Variants in GRM3 observed in about 807,000 individuals in gnomAD.
GRM3 encodes metabotropic glutamate receptor 3.
GRM3 carries 26 observed loss-of-function variants against 70.5 expected under a neutral mutation model. The observed-to-expected ratio is 0.37, with a 90% confidence interval of 0.27 to 0.51. The LOEUF is 0.51. Among genes scored for constraint, GRM3 ranks in the 20% least tolerant of loss-of-function variants. The pLI is 0.93. For synonymous variants in GRM3, 443 were observed against 434.9 expected (o/e 1.02, Z -0.23); for missense variants, 859 against 1,123.8 (o/e 0.76, Z 3.37).
At chr7:86,827,752 G>T (rs891770059) in intron 3 of GRM3, among the ~76,000 whole-genome samples, 1 of 152,060 alleles carries the variant, frequency 6.6e-6, no homozygotes, top group Non-Finnish European at 1.5e-5. Flanking sequence ...GACCTCAGGC[G>T]ATCCACCTCC....
chr7:86,772,849 A>G (rs914238367), intron 2 of GRM3, among the ~76,000 whole-genome samples: 3 of 152,116 alleles, frequency 2.0e-5, no homozygotes, highest in South Asian at 4.1e-4. Flanking sequence ...CAATGATTAT[A>G]GCATGGATAT....
chr7:86,740,609 A>T (rs978426263), intron 1 of GRM3, among the ~76,000 whole-genome samples: 3 of 152,224 alleles, frequency 2.0e-5, no homozygotes, highest in African/African-American at 7.2e-5. Flanking sequence ...TTAAAAATCC[A>T]TAAGAAATTC....
At chr7:86,726,780 A>C (rs1029523815) in intron 1 of GRM3, among the ~76,000 whole-genome samples, 1 of 152,232 alleles carries the variant, frequency 6.6e-6, no homozygotes, top group African/African-American at 2.4e-5. Context: ...TAATCTGAGA[A>C]TCTATTGCCA....
At chr7:86,791,160 T>G (rs937933130) in intron 3 of GRM3, among the ~76,000 whole-genome samples, 4 of 152,212 alleles carry the variant, frequency 2.6e-5, no homozygotes, top group Non-Finnish European at 5.9e-5. Context: ...TGTGGGCTCT[T>G]TCAAGGCATG....
At chr7:86,792,443 T>C (rs938998758) in intron 3 of GRM3, among the ~76,000 whole-genome samples, 1 of 152,192 alleles carries the variant, frequency 6.6e-6, no homozygotes, top group East Asian at 1.9e-4. Context: ...CAATGTCACG[T>C]AGGCATTATC....
intron 2 of GRM3, among the ~76,000 whole-genome samples, chr7:86,777,848 A>T (rs1442407529): frequency 6.6e-6 from 1 of 152,160 alleles, no homozygotes; most frequent in Non-Finnish European, 1.5e-5. Flanking sequence ...GGGATTTTGT[A>T]CAGCTAATAA....
chr7:86,864,390 C>G lies in GRM3; in HGVS notation c.*35C>G, dbSNP rs1562886017. 1 of 1,542,698 alleles carries G rather than the reference C, an allele frequency of 6.5e-7. No individual in the cohort carries two copies. Among genetic ancestry groups the G allele is most frequent in the Non-Finnish European group, 9.0e-7 (1 of 1,115,022 alleles). On this transcript the variant is annotated 3_prime_UTR_variant, in exon 6 of 6. Coordinates refer to ENST00000361669, the MANE Select transcript of GRM3 (RefSeq NM_000840.3). ...GCAGTTCAGTTCTTGTGTTTTTAGA[C>G]TGTTAGACAAAAGTGCTCACGTGCA...
At chr7:86,686,245 G>A (rs1221934440) in intron 1 of GRM3, among the ~76,000 whole-genome samples, 1 of 152,116 alleles carries the variant, frequency 6.6e-6, no homozygotes, top group Non-Finnish European at 1.5e-5. Context: ...CTCCAGTTTG[G>A]CATGGGAGAA....
intron 1 of GRM3, among the ~76,000 whole-genome samples, chr7:86,694,454 G>C (rs1349936994): frequency 7.3e-6 from 1 of 136,936 alleles, no homozygotes; most frequent in Non-Finnish European, 1.5e-5. Context: ...GGGGCTTGCA[G>C]TTAGCCGAGA....
At chr7:86,821,554 A>T (rs996817692) in intron 3 of GRM3, among the ~76,000 whole-genome samples, 4 of 152,138 alleles carry the variant, frequency 2.6e-5, no homozygotes, top group African/African-American at 9.7e-5. Flanking sequence ...AGACGCGAAA[A>T]ATGAAGTGGA....
intron 1 of GRM3, among the ~76,000 whole-genome samples, chr7:86,759,112 A>C (rs1796418525): frequency 6.6e-6 from 1 of 152,138 alleles, no homozygotes; most frequent in Non-Finnish European, 1.5e-5. Context: ...TTAGTGCATA[A>C]GCCTGGCCTC....
At chr7:86,740,058 A>G (rs111525946) in intron 1 of GRM3, among the ~76,000 whole-genome samples, 1,824 of 152,310 alleles carry the variant, frequency 0.012, 33 homozygotes, top group African/African-American at 0.042. Context: ...CCAAAGGCAA[A>G]GCTCAACAAA....
chr7:86,686,536 G>GT (rs1160325303), intron 1 of GRM3, among the ~76,000 whole-genome samples: 1 of 152,194 alleles, frequency 6.6e-6, no homozygotes, highest in Non-Finnish European at 1.5e-5. Flanking sequence ...CAAAGGTTTG[G>GT]TAAAAACTTC....
chr7:86,815,146 G>A (rs1584261020), intron 3 of GRM3, among the ~76,000 whole-genome samples: 2 of 151,504 alleles, frequency 1.3e-5, no homozygotes, highest in East Asian at 3.9e-4. Flanking sequence ...TAATTTCTTA[G>A]GGGGAAAAGG....
chr7:86,863,066 G>A (rs1798990118), intron 5 of GRM3, among the ~76,000 whole-genome samples: 1 of 152,074 alleles, frequency 6.6e-6, no homozygotes, highest in African/African-American at 2.4e-5. Flanking sequence ...CAGGCCAAGG[G>A]GTTGTATGAG....
chr7:86,860,941 T>C (rs1203525010), intron 5 of GRM3, among the ~76,000 whole-genome samples: 1 of 152,218 alleles, frequency 6.6e-6, no homozygotes, highest in Non-Finnish European at 1.5e-5. Context: ...AGGGGGTATT[T>C]GAATCCTAGG....
intron 2 of GRM3, among the ~76,000 whole-genome samples, chr7:86,768,215 A>G (rs1796653657): frequency 6.6e-6 from 1 of 152,202 alleles, no homozygotes; most frequent in South Asian, 2.1e-4. Flanking sequence ...AAAATGCCTC[A>G]CCAAAAACTG....
intron 1 of GRM3, among the ~76,000 whole-genome samples, chr7:86,659,625 G>T (rs963265809): frequency 1.3e-5 from 2 of 152,048 alleles, no homozygotes; most frequent in African/African-American, 4.8e-5. Context: ...TGAGAAACAT[G>T]TTAATAAAGT....
chr7:86,754,348 T>C (rs1321396912), intron 1 of GRM3, among the ~76,000 whole-genome samples: 1 of 152,162 alleles, frequency 6.6e-6, no homozygotes, highest in Non-Finnish European at 1.5e-5. Context: ...CATCCCTAAA[T>C]GGGTAACAAA....
Sources: allele counts gnomAD v4.1 joint callset (sites outside exome capture counted in the v4.1 genomes callset), GRCh38; gene constraint gnomAD v4.1.1; transcripts MANE v1.5; gene names NCBI Gene and HGNC (gene_info 2026-07-23, HGNC 2026-07-21).